MTR: variants seen among roughly 807,000 people sequenced by gnomAD.
MTR encodes 5-methyltetrahydrofolate-homocysteine methyltransferase.
MTR carries 84 observed loss-of-function variants against 154.8 expected under a neutral mutation model. The observed-to-expected ratio is 0.54, with a 90% CI of 0.45 to 0.65. MTR has a LOEUF of 0.65. MTR is among the 30% of genes least tolerant of loss of function. MTR has a pLI of 0.00. For synonymous variants in MTR, 554 were observed against 553.9 expected (o/e 1.00, Z 0.00); for missense variants, 1,275 against 1,570.2 (o/e 0.81, Z 3.18).
chr1:236,888,033 A>G (rs1396572683), intron 27 of MTR, among the ~76,000 whole-genome samples: 1 of 152,262 alleles, frequency 6.6e-6, no homozygotes, highest in East Asian at 1.9e-4. Flanking sequence ...TGTCCCGTGT[A>G]GTAGAAGGAT....
intron 11 of MTR, among the ~76,000 whole-genome samples, chr1:236,827,571 T>C (rs1662361677): frequency 4.6e-5 from 7 of 152,186 alleles, no homozygotes; most frequent in Admixed American, 4.6e-4. Flanking sequence ...CTCATATTTA[T>C]TGTGGGCAAA....
At chr1:236,882,551 C>G (rs1051014411) in intron 25 of MTR, among the ~76,000 whole-genome samples, 1 of 152,088 alleles carries the variant, frequency 6.6e-6, no homozygotes. Context: ...CCACCACTTC[C>G]GGCTAATTTT....
intron 4 of MTR, among the ~76,000 whole-genome samples, chr1:236,810,110 A>G (rs375121136): frequency 6.6e-6 from 1 of 152,222 alleles, no homozygotes; most frequent in Non-Finnish European, 1.5e-5. Flanking sequence ...CTGTGGTGAT[A>G]GAAAAGGATT....
At chr1:236,855,582 C>T (rs193068332) in intron 18 of MTR, among the ~76,000 whole-genome samples, 230 of 152,268 alleles carry the variant, frequency 1.5e-3, no homozygotes, top group African/African-American at 5.4e-3. Context: ...GGCCTTGATC[C>T]CTTCCTTCAC....
rs1178746827 is a variant in MTR at position 236,841,893 on chromosome 1, CT to C, written c.1515+3311del. Among the ~76,000 whole-genome samples, 524 of 139,862 alleles carry C rather than the reference CT, an allele frequency of 3.7e-3. 4 individuals are homozygous for C. The highest frequency in any genetic ancestry group is 8.0e-3 in the African/African-American group (305 of 38,288). 91.8% of individuals were successfully genotyped at this position (139,862 alleles called of 152,430 possible). On this transcript the variant is annotated intron_variant, in intron 15 of 32. Coordinates refer to ENST00000366577, the MANE Select transcript of MTR (RefSeq NM_000254.3). ...TAAGAAGTCCAGTGCTATTCTAACTCTTTTTTTTTTTTTTTTTGAGACGGAG... is the reference window on the plus strand; with the variant it reads ...TAAGAAGTCCAGTGCTATTCTAACTCTTTTTTTTTTTTTTTTGAGACGGAG...
rs797044443 is a variant in MTR, at chr1:236,880,798, GTAA to G, written c.2640_2642del (p.Ile881del). 9.9e-6 allele frequency: 16 copies of G among 1,614,070 alleles called. No individual in the cohort carries two copies. The highest frequency in any genetic ancestry group is 2.7e-5 in the African/African-American group (2 of 74,926). ...AATAGCTCCGAGATACAGTGCACCT[GTAA>G]TCCATGTCCTGGACGCGTCCAAGAG... On this transcript the variant is annotated inframe_deletion, in exon 25 of 33. Transcript: ENST00000366577.
intron 2 of MTR, among the ~76,000 whole-genome samples, chr1:236,805,734 G>A (rs958997666): frequency 6.6e-6 from 1 of 152,130 alleles, no homozygotes; most frequent in Non-Finnish European, 1.5e-5. Flanking sequence ...CTGGCCTCAA[G>A]CAGTCCTCTC....
Position 236,879,131 on chromosome 1 carries a change from A to G in MTR, c.2595-1624A>G, listed in dbSNP as rs568181808. On this transcript the variant is annotated intron_variant, in intron 24 of 32. Coordinates refer to ENST00000366577, the MANE Select transcript of MTR (RefSeq NM_000254.3). ...CCTATAACAGTCTCTTGGTTTTTAA[A>G]AATTACCTCAATGATCCACATTTAC... Among the ~76,000 whole-genome samples the G allele has an allele frequency of 6.6e-4, 100 of 152,350 alleles. 1 individual carries two copies. The highest frequency in any genetic ancestry group is 8.8e-5 in the Non-Finnish European group (6 of 68,030).
Position 236,892,104 on chromosome 1 carries a change from T to C in MTR, c.3204+775T>C, listed in dbSNP as rs1558345125. 5.3e-5 allele frequency among the ~76,000 whole-genome samples: 8 copies of C among 152,260 alleles called. No individual in the cohort carries two copies. The South Asian group carries it at 1.7e-3, about 32-fold the overall frequency. ...CTTAATCAAGAATTGGAACCAGAAT[T>C]CACCAGAGTCATTAACAAATTTAAT... On this transcript the variant is annotated intron_variant, in intron 29 of 32. Transcript: ENST00000366577.
intron 12 of MTR, 24 bp downstream of exon 12, chr1:236,829,292 C>G: frequency 6.3e-7 from 1 of 1,581,616 alleles, no homozygotes; most frequent in Non-Finnish European, 8.7e-7. Context: ...ACCTGGTATT[C>G]CTGATTGCAG....
Position 236,795,375 on chromosome 1 carries a change from CTTGGGTCCTTTT to C in MTR, c.-328_-317del. On this transcript the variant is annotated 5_prime_UTR_variant, in exon 1 of 33. Transcript: ENST00000366577. The stretch of plus-strand genomic sequence containing the variant: ...CGTCGTCCTCCTCTGCCGGTTTTCT[CTTGGGTCCTTTT>C]CCGTGCCGTCCCGCGACTCCGCCTC... 7.2e-7 allele frequency: 1 copy of C among 1,389,464 alleles called. No individual in the cohort carries two copies. The highest frequency in any genetic ancestry group is 9.5e-7 in the Non-Finnish European group (1 of 1,053,438). 86.1% of individuals were successfully genotyped at this position (1,389,464 alleles called of 1,614,324 possible).
At position 236,903,423 on chromosome 1, in the gene MTR, T is replaced by C. The variant is rs1263503587; in HGVS notation, c.*5779T>C. 1 of 152,240 alleles carries C rather than the reference T, an allele frequency of 6.6e-6. No individual in the cohort carries two copies. Among genetic ancestry groups the C allele is most frequent in the Non-Finnish European group, 1.5e-5 (1 of 68,036 alleles). The allele number at this position is 152,240 out of a possible 1,614,324, so 9.4% of individuals were successfully genotyped here. ...TCCCATGTTTTTTTAACACTTGGAA[T>C]ATCTAATTCCATTTACACTGCATTC... On this transcript the variant is annotated 3_prime_UTR_variant, in exon 33 of 33. Transcript: ENST00000366577.
intron 3 of MTR, among the ~76,000 whole-genome samples, chr1:236,808,244 C>T (rs889658754): frequency 5.3e-5 from 8 of 152,134 alleles, no homozygotes; most frequent in Non-Finnish European, 7.3e-5. Flanking sequence ...GCAAAAAGTT[C>T]AGAATTACTG....
At position 236,895,535 on chromosome 1, in the gene MTR, A is replaced by G. The variant is rs149476106; in HGVS notation, c.3583A>G (p.Ile1195Val). 424 of 1,575,392 alleles carry G rather than the reference A, an allele frequency of 2.7e-4. 5 individuals are homozygous for G. In the East Asian group the frequency reaches 9.0e-3, roughly 33 times the overall value. ...GCTCACCATGTGGAGACTCGCAGAC[A>G]TCGAGCAGTCTACAGGTAGGAGCCA... Reference protein sequence around the residue: ...EKLTMWRLADIEQSTGIRLTE... With the variant: ...EKLTMWRLADVEQSTGIRLTE... Residue 1195 changes from isoleucine (I) to valine (V), a missense_variant, in exon 31 of 33, where the codon ATC (isoleucine) becomes GTC (valine). Ile to Val is a conservative substitution (Grantham distance 29, BLOSUM62 3). Coordinates refer to ENST00000366577, the MANE Select transcript of MTR (RefSeq NM_000254.3).
chr1:236,834,777 C>T (rs1253640716), intron 13 of MTR, among the ~76,000 whole-genome samples: 3 of 152,118 alleles, frequency 2.0e-5, no homozygotes, highest in Non-Finnish European at 4.4e-5. Flanking sequence ...ATATTTTGCC[C>T]AGCATTGTTC....
intron 3 of MTR, 65 bp downstream of exon 3, chr1:236,806,298 A>G: frequency 4.7e-6 from 6 of 1,284,784 alleles, no homozygotes; most frequent in Non-Finnish European, 6.8e-6. Context: ...GGTAGTTGCT[A>G]GTGAGTAAAG....
chr1:236,805,383 G>A (rs1268380881), intron 2 of MTR, among the ~76,000 whole-genome samples: 3 of 152,156 alleles, frequency 2.0e-5, no homozygotes, highest in African/African-American at 2.4e-5. Flanking sequence ...TATACTTCTC[G>A]GTGGGCATCA....
chr1:236,801,368 C>A (rs1660690094), intron 1 of MTR, among the ~76,000 whole-genome samples: 1 of 152,166 alleles, frequency 6.6e-6, no homozygotes, highest in South Asian at 2.1e-4. Flanking sequence ...TTGGATATTG[C>A]AAATTTTTCT....
chr1:236,860,527 A>T (rs1664477191), intron 19 of MTR, among the ~76,000 whole-genome samples: 1 of 151,660 alleles, frequency 6.6e-6, no homozygotes, highest in Non-Finnish European at 1.5e-5. Context: ...ACCTTGGAGG[A>T]GTGGGGCTTG....
Sources: gnomAD v4.1 joint callset for allele counts (sites outside exome capture counted in the v4.1 genomes callset) on GRCh38, gnomAD v4.1.1 for gene constraint, MANE v1.5 for transcripts, NCBI Gene and HGNC (gene_info 2026-07-23, HGNC 2026-07-21) for gene names.